The following AKAP6 variants were observed in gnomAD, a reference collection of about 807,000 sequenced individuals.
The protein encoded by AKAP6 is A-kinase anchoring protein 6, also known as A-kinase anchor protein 6.
A neutral mutation model predicts 188.5 loss-of-function variants in AKAP6; 58 were observed. The ratio of observed to expected loss-of-function variants is 0.31; its 90% CI spans 0.25 to 0.38. The LOEUF (loss-of-function observed/expected upper bound fraction) is 0.38, where lower values mean the gene tolerates loss of function less well. AKAP6 is among the 10% of genes least tolerant of loss of function. The probability of loss-of-function intolerance (pLI) is 1.00; values close to 1 mark genes in which losing one functional copy is unlikely to be tolerated. For synonymous variants in AKAP6, 989 were observed against 998.6 expected (o/e 0.99, Z 0.18); for missense variants, 2,710 against 2,740.0 (o/e 0.99, Z 0.24).
chr14:32,825,670 A>G (rs895381704), intron 13 of AKAP6, among the ~76,000 whole-genome samples: 1 of 152,184 alleles, frequency 6.6e-6, no homozygotes, highest in Non-Finnish European at 1.5e-5. Context: ...TCTAAGCCCC[A>G]GTGATGAATA....
chr14:32,760,780 G>T (rs1566692633), intron 11 of AKAP6, among the ~76,000 whole-genome samples: 1 of 152,162 alleles, frequency 6.6e-6, no homozygotes, highest in African/African-American at 2.4e-5. Flanking sequence ...TTTGATGAAT[G>T]AAGTTATTAT....
chr14:32,705,485 G>T (rs1011147014), intron 9 of AKAP6, among the ~76,000 whole-genome samples: 1 of 152,124 alleles, frequency 6.6e-6, no homozygotes, highest in East Asian at 1.9e-4. Flanking sequence ...ATTGAGATGG[G>T]TGTAGGATAG....
intron 1 of AKAP6, among the ~76,000 whole-genome samples, chr14:32,399,151 G>A (rs1566482984): frequency 6.6e-6 from 1 of 152,046 alleles, no homozygotes; most frequent in Non-Finnish European, 1.5e-5. Context: ...ACTGTGCCTG[G>A]CCTGCCCTTA....
chr14:32,725,495 T>C (rs890010353), intron 9 of AKAP6, among the ~76,000 whole-genome samples: 1 of 152,220 alleles, frequency 6.6e-6, no homozygotes, highest in Non-Finnish European at 1.5e-5. Context: ...GTTGAGATTT[T>C]TTTTTCTCTG....
At chr14:32,705,618 C>T (rs188324548) in intron 9 of AKAP6, among the ~76,000 whole-genome samples, 3 of 152,038 alleles carry the variant, frequency 2.0e-5, no homozygotes, top group Non-Finnish European at 4.4e-5. Context: ...AATTCATAGA[C>T]CCTGAGCCAA....
At chr14:32,526,203 T>C (rs1302991587) in intron 2 of AKAP6, among the ~76,000 whole-genome samples, 1 of 152,068 alleles carries the variant, frequency 6.6e-6, no homozygotes, top group East Asian at 1.9e-4. Context: ...TAGCTGGGAC[T>C]ACAGGTGTAT....
intron 11 of AKAP6, among the ~76,000 whole-genome samples, chr14:32,740,026 G>A (rs1187634472): frequency 3.3e-5 from 5 of 151,752 alleles, no homozygotes; most frequent in Admixed American, 6.6e-5. Flanking sequence ...CCACATCCTC[G>A]CCAGCATTTG....
intron 12 of AKAP6, among the ~76,000 whole-genome samples, chr14:32,780,157 C>CCATATATATATATATATATATATAT (rs142218168): frequency 2.5e-5 from 3 of 119,394 alleles, no homozygotes; most frequent in African/African-American, 9.6e-5. Flanking sequence ...AAAAAAAAAA[C>CCATATATATATATATATATATATAT]ATATATATAT....
At chr14:32,746,491 C>T (rs748572750) in intron 11 of AKAP6, among the ~76,000 whole-genome samples, 11 of 152,080 alleles carry the variant, frequency 7.2e-5, no homozygotes. Context: ...GGAACGGGGG[C>T]CTTAAAATTT....
chr14:32,462,980 TAAA>T (rs71115073), intron 2 of AKAP6, among the ~76,000 whole-genome samples: 118 of 115,080 alleles, frequency 1.0e-3, no homozygotes, highest in African/African-American at 1.2e-3. Flanking sequence ...CAACAAAGAT[TAAA>T]AAAAAAAAAA....
chr14:32,580,915 G>A (rs1027620914), intron 5 of AKAP6, among the ~76,000 whole-genome samples: 4 of 152,158 alleles, frequency 2.6e-5, no homozygotes, highest in Non-Finnish European at 5.9e-5. Flanking sequence ...GTATTCCATG[G>A]TGTATATGTG....
chr14:32,413,508 A>G (rs528929961), intron 1 of AKAP6, among the ~76,000 whole-genome samples: 1 of 152,280 alleles, frequency 6.6e-6, no homozygotes, highest in African/African-American at 2.4e-5. Flanking sequence ...TCCTTGTGAT[A>G]TACAGCCATA....
At position 32,466,827 on chromosome 14, in the gene AKAP6, T is replaced by TTATATATA. The variant is rs776142584; in HGVS notation, c.324+33022_324+33029dup. Among the ~76,000 whole-genome samples the TTATATATA allele has an allele frequency of 6.4e-4, 74 of 115,076 alleles. 3 individuals carry two copies. The highest frequency in any genetic ancestry group is 3.2e-3 in the African/African-American group (65 of 20,178). 75.5% of individuals were successfully genotyped at this position (115,076 alleles called of 152,430 possible). A position where few individuals can be genotyped will look rare whatever the true frequency, so the allele number is the denominator to read the frequency against. On this transcript the variant is annotated intron_variant, in intron 2 of 13. Transcript: ENST00000280979. ...CAAAATATAAGCTGTAAAAACAAGATTATATATATATATATATATTTTCTT... is the reference window on the plus strand; with the variant it reads ...CAAAATATAAGCTGTAAAAACAAGATTATATATATATATATATATATATATATTTTCTT...
chr14:32,811,255 A>AAAAAAAAAAAAAAAAAAAAAAAAAT lies in AKAP6; in HGVS notation c.3589-10146_3589-10145insAAAAAAAAAAAAAAAAAAAAAAATA, dbSNP rs546819675. On this transcript the variant is annotated intron_variant, in intron 12 of 13. Coordinates refer to ENST00000280979, the MANE Select transcript of AKAP6 (RefSeq NM_004274.5). ...CTCCGTCTCAGGAAAAAAAAAAAAA[A>AAAAAAAAAAAAAAAAAAAAAAAAAT]AGTTGAAAAACAGACTAAGATAATG... Among the ~76,000 whole-genome samples the AAAAAAAAAAAAAAAAAAAAAAAAAT allele has an allele frequency of 9.0e-4, 106 of 118,326 alleles. 5 individuals carry two copies. Among genetic ancestry groups the AAAAAAAAAAAAAAAAAAAAAAAAAT allele is most frequent in the South Asian group, 1.4e-3 (5 of 3,596 alleles). 77.6% of individuals were successfully genotyped at this position (118,326 alleles called of 152,430 possible).
chr14:32,514,831 G>T (rs1323748078), intron 2 of AKAP6, among the ~76,000 whole-genome samples: 1 of 152,166 alleles, frequency 6.6e-6, no homozygotes, highest in African/African-American at 2.4e-5. Flanking sequence ...GTAATGGCCT[G>T]AACCCAGCAT....
chr14:32,639,335 G>A (rs1887658578), intron 7 of AKAP6, among the ~76,000 whole-genome samples: 1 of 152,130 alleles, frequency 6.6e-6, no homozygotes, highest in South Asian at 2.1e-4. Context: ...CAGATTTTTA[G>A]AGGAAGGATG....
intron 8 of AKAP6, among the ~76,000 whole-genome samples, chr14:32,683,173 T>C (rs920795185): frequency 6.6e-6 from 1 of 152,154 alleles, no homozygotes; most frequent in South Asian, 2.1e-4. Flanking sequence ...TTTGTATTTT[T>C]AGTAGAGACG....
At chr14:32,577,080 T>A in intron 4 of AKAP6, 40 bp from the exon 5 acceptor site, 1 of 1,587,550 alleles carries the variant, frequency 6.3e-7, no homozygotes, top group Admixed American at 2.0e-5. Context: ...TAACATGCCT[T>A]TCTTGCCCCT....
intron 3 of AKAP6, among the ~76,000 whole-genome samples, chr14:32,537,687 T>C (rs187711389): frequency 1.9e-3 from 287 of 152,350 alleles, no homozygotes; most frequent in Middle Eastern, 0.01. Context: ...AAATCATATA[T>C]TTATTAAATC....
Sources: gnomAD v4.1 joint callset for allele counts (sites outside exome capture counted in the v4.1 genomes callset) on GRCh38, gnomAD v4.1.1 for gene constraint, MANE v1.5 for transcripts, NCBI Gene and HGNC (gene_info 2026-07-23, HGNC 2026-07-21) for gene names.